NRG3: variants seen among roughly 807,000 people sequenced by gnomAD.
NRG3 encodes the protein pro-neuregulin-3, membrane-bound isoform.
In NRG3, 31 loss-of-function variants were observed where a neutral mutation model predicts 66.9. The observed-to-expected ratio is 0.46, with a 90% CI of 0.35 to 0.63. The LOEUF (loss-of-function observed/expected upper bound fraction) is 0.63, where lower values mean the gene tolerates loss of function less well. Ranked by LOEUF, NRG3 falls within the 20% of genes least tolerant of loss-of-function variation. The pLI is 0.00. For missense variants in NRG3, 910 were observed against 878.9 expected (o/e 1.04, Z -0.45); for synonymous variants, 393 against 359.4 (o/e 1.09, Z -1.06).
intron 2 of NRG3, among the ~76,000 whole-genome samples, chr10:82,551,509 C>T (rs1022993151): frequency 6.6e-6 from 1 of 151,528 alleles, no homozygotes; most frequent in Non-Finnish European, 1.5e-5. Context: ...AAGCAAATTC[C>T]TTTTTGTGAT....
intron 4 of NRG3, among the ~76,000 whole-genome samples, chr10:82,889,221 A>C (rs1842954413): frequency 6.6e-6 from 1 of 152,158 alleles, no homozygotes; most frequent in Admixed American, 6.5e-5. Flanking sequence ...GACCTGAACA[A>C]AGATTTCAGC....
At chr10:82,531,097 CA>C (rs1161796609) in intron 2 of NRG3, among the ~76,000 whole-genome samples, 1 of 151,362 alleles carries the variant, frequency 6.6e-6, no homozygotes, top group Non-Finnish European at 1.5e-5. Flanking sequence ...AAATAGATTC[CA>C]AATTGTTGCA....
At chr10:82,391,084 G>T (rs1426052286) in intron 2 of NRG3, among the ~76,000 whole-genome samples, 2 of 152,174 alleles carry the variant, frequency 1.3e-5, no homozygotes, top group Non-Finnish European at 1.5e-5. Context: ...AAGTGACAAA[G>T]ATTTTCCTTT....
intron 1 of NRG3, among the ~76,000 whole-genome samples, chr10:82,218,850 G>C (rs2075807602): frequency 6.6e-6 from 1 of 152,152 alleles, no homozygotes; most frequent in African/African-American, 2.4e-5. Flanking sequence ...GTAAGGGCTA[G>C]AAATGGAGAG....
chr10:82,565,353 T>G lies in NRG3; in HGVS notation c.954-173224T>G, dbSNP rs146284202. 3.6e-3 allele frequency among the ~76,000 whole-genome samples: 549 copies of G among 152,204 alleles called. 4 individuals are homozygous for G. Among genetic ancestry groups the G allele is most frequent in the African/African-American group, 0.013 (540 of 41,554 alleles). On this transcript the variant is annotated intron_variant, in intron 2 of 8. Coordinates refer to ENST00000372141, the MANE Select transcript of NRG3 (RefSeq NM_001010848.4). ...CAGCCAGTTAATGACTTCCCTGGAT[T>G]CCAACACCAAAAGATTCAGTCTCTG...
intron 2 of NRG3, among the ~76,000 whole-genome samples, chr10:82,674,937 A>ATTTATTTATT (rs530269286): frequency 2.3e-4 from 33 of 143,708 alleles, no homozygotes; most frequent in African/African-American, 8.4e-4. Context: ...GGTTTTATTT[A>ATTTATTTATT]TATTTATTTA....
intron 1 of NRG3, among the ~76,000 whole-genome samples, chr10:81,884,311 T>C (rs1164009873): frequency 6.6e-6 from 1 of 152,210 alleles, no homozygotes; most frequent in Non-Finnish European, 1.5e-5. Context: ...TGTTCTTTGC[T>C]CTGATATGGA....
At position 82,565,953 on chromosome 10, in the gene NRG3, G is replaced by A. The variant is rs1404963895; in HGVS notation, c.954-172624G>A. 3.9e-5 allele frequency among the ~76,000 whole-genome samples: 6 copies of A among 152,168 alleles called. No homozygotes were observed. In the East Asian group the frequency reaches 5.8e-4, roughly 15 times the overall value. On this transcript the variant is annotated intron_variant, in intron 2 of 8. Transcript: ENST00000372141. Reference sequence around the variant, plus strand: ...TGGGTTTGTGAGCAAGACCTGGCTTGAAATTCCTCTTGTTCTACCTCTTAT... The same window carrying A: ...TGGGTTTGTGAGCAAGACCTGGCTTAAAATTCCTCTTGTTCTACCTCTTAT...
intron 2 of NRG3, among the ~76,000 whole-genome samples, chr10:82,452,380 A>G (rs913341482): frequency 1.3e-5 from 2 of 152,208 alleles, no homozygotes; most frequent in African/African-American, 4.8e-5. Flanking sequence ...TCAGGTAAAA[A>G]TCTATAAGAT....
intron 2 of NRG3, among the ~76,000 whole-genome samples, chr10:82,539,620 G>GTT (rs796702910): frequency 6.7e-6 from 1 of 150,056 alleles, no homozygotes; most frequent in African/African-American, 2.5e-5. Context: ...CTTGACTGCC[G>GTT]TTTTTTTTTG....
intron 1 of NRG3, among the ~76,000 whole-genome samples, chr10:82,003,156 A>C (rs905156837): frequency 6.6e-6 from 1 of 152,012 alleles, no homozygotes; most frequent in Non-Finnish European, 1.5e-5. Context: ...AAGAGAGGGG[A>C]GATTTCTTGA....
At chr10:82,243,708 G>A (rs538828587) in intron 1 of NRG3, among the ~76,000 whole-genome samples, 2 of 152,122 alleles carry the variant, frequency 1.3e-5, no homozygotes, top group African/African-American at 2.4e-5. Context: ...ACTTTCCCAA[G>A]TTAATTTTTT....
intron 2 of NRG3, among the ~76,000 whole-genome samples, chr10:82,668,389 T>C (rs17100460): frequency 0.1 from 15,607 of 152,174 alleles, 936 homozygotes; most frequent in East Asian, 0.23. Flanking sequence ...ATATTTTTAA[T>C]GTATTTTGTA....
At chr10:82,218,363 T>A (rs2075784688) in intron 1 of NRG3, among the ~76,000 whole-genome samples, 1 of 152,222 alleles carries the variant, frequency 6.6e-6, no homozygotes, top group Admixed American at 6.5e-5. Flanking sequence ...CACAGGGAAC[T>A]AAAGGTTAAA....
At chr10:82,821,955 C>T (rs2061970875) in intron 3 of NRG3, among the ~76,000 whole-genome samples, 1 of 152,218 alleles carries the variant, frequency 6.6e-6, no homozygotes, top group East Asian at 1.9e-4. Context: ...GCTACCCTGC[C>T]CCCCACATGC....
At chr10:82,500,521 T>A (rs1844072464) in intron 2 of NRG3, among the ~76,000 whole-genome samples, 1 of 152,212 alleles carries the variant, frequency 6.6e-6, no homozygotes, top group South Asian at 2.1e-4. Context: ...TCAATTGCCA[T>A]CCTTGCTTCC....
intron 1 of NRG3, among the ~76,000 whole-genome samples, chr10:81,987,854 C>T (rs1324825904): frequency 2.0e-5 from 3 of 152,100 alleles, no homozygotes; most frequent in Non-Finnish European, 2.9e-5. Context: ...AAAGGAAGCT[C>T]ACTGAAATGT....
At chr10:82,865,099 G>A (rs1358105998) in intron 3 of NRG3, among the ~76,000 whole-genome samples, 3 of 152,098 alleles carry the variant, frequency 2.0e-5, no homozygotes, top group African/African-American at 7.2e-5. Context: ...GATGTTCATG[G>A]TATAACAATT....
chr10:81,896,246 A>T (rs1843515341), intron 1 of NRG3, among the ~76,000 whole-genome samples: 1 of 152,112 alleles, frequency 6.6e-6, no homozygotes, highest in Admixed American at 6.5e-5. Context: ...TGGGATGCTC[A>T]GTTTGAAACT....
Sources: allele counts gnomAD v4.1 joint callset (sites outside exome capture counted in the v4.1 genomes callset), GRCh38; gene constraint gnomAD v4.1.1; transcripts MANE v1.5; gene names NCBI Gene and HGNC (gene_info 2026-07-23, HGNC 2026-07-21).